The following CCDC149 variants were observed in gnomAD, a reference collection of about 807,000 sequenced individuals.
The protein encoded by CCDC149 is coiled-coil domain containing 149.
In CCDC149, 45 loss-of-function variants were observed where a neutral mutation model predicts 59.9. The observed-to-expected ratio is 0.75, with a 90% CI of 0.59 to 0.96. The LOEUF (loss-of-function observed/expected upper bound fraction) is 0.96, where lower values mean the gene tolerates loss of function less well. CCDC149 is among the 40% of genes least tolerant of loss of function. The pLI is 0.00. For missense variants in CCDC149, 584 were observed against 664.7 expected (o/e 0.88, Z 1.33); for synonymous variants, 245 against 260.6 (o/e 0.94, Z 0.58).
intron 1 of CCDC149, among the ~76,000 whole-genome samples, chr4:24,974,931 G>A (rs895602043): frequency 3.3e-5 from 5 of 152,128 alleles, no homozygotes; most frequent in African/African-American, 1.2e-4. Context: ...TAGTTTGAAT[G>A]TGTCCCCTCC....
intron 2 of CCDC149, among the ~76,000 whole-genome samples, chr4:24,874,986 A>G (rs17593578): frequency 0.036 from 5,492 of 152,316 alleles, 142 homozygotes; most frequent in Non-Finnish European, 0.06. Flanking sequence ...ATATGTCCAC[A>G]CCGTGTATTA....
intron 1 of CCDC149, among the ~76,000 whole-genome samples, chr4:24,899,902 ATC>A (rs982156523): frequency 3.3e-5 from 5 of 152,146 alleles, no homozygotes; most frequent in Middle Eastern, 3.2e-3. Context: ...AGACCAGATG[ATC>A]TGAGATTTCC....
chr4:24,861,591 A>G (rs1452660701), intron 3 of CCDC149, among the ~76,000 whole-genome samples: 3 of 151,628 alleles, frequency 2.0e-5, no homozygotes, highest in Non-Finnish European at 4.4e-5. Context: ...TGAAGAACTT[A>G]CTCATGTAAC....
intron 1 of CCDC149, among the ~76,000 whole-genome samples, chr4:24,909,891 AG>A (rs1398500579): frequency 6.6e-6 from 1 of 152,142 alleles, no homozygotes; most frequent in East Asian, 1.9e-4. Context: ...AGGCCTCCCC[AG>A]TCATGTGGAA....
intron 1 of CCDC149, among the ~76,000 whole-genome samples, chr4:24,938,018 A>G (rs542094556): frequency 6.6e-6 from 1 of 152,290 alleles, no homozygotes; most frequent in Non-Finnish European, 1.5e-5. Context: ...TTCCTCTCTA[A>G]AAATACATAA....
chr4:24,809,592 C>A (rs1714463177), intron 12 of CCDC149, among the ~76,000 whole-genome samples: 1 of 149,712 alleles, frequency 6.7e-6, no homozygotes, highest in Admixed American at 6.6e-5. Flanking sequence ...CATGGCGGAG[C>A]CAGCTCTTAG....
At chr4:24,844,671 G>C (rs978540712) in intron 4 of CCDC149, among the ~76,000 whole-genome samples, 24 of 152,168 alleles carry the variant, frequency 1.6e-4, no homozygotes, top group African/African-American at 5.8e-4. Context: ...TACGCAGGAG[G>C]CTGAGGCAGT....
chr4:24,931,825 G>GTATATATATATATA (rs1553862475), intron 1 of CCDC149, among the ~76,000 whole-genome samples: 4 of 70,456 alleles, frequency 5.7e-5, no homozygotes, highest in African/African-American at 4.1e-4. Flanking sequence ...TGTATGGAGA[G>GTATATATATATATA]TATGTATATA....
At chr4:24,907,719 C>T (rs1332165276) in intron 1 of CCDC149, among the ~76,000 whole-genome samples, 1 of 152,210 alleles carries the variant, frequency 6.6e-6, no homozygotes, top group Non-Finnish European at 1.5e-5. Flanking sequence ...CTTCCAAGGG[C>T]TGCCATAACA....
intron 2 of CCDC149, among the ~76,000 whole-genome samples, chr4:24,873,972 G>C (rs1356382503): frequency 1.3e-5 from 2 of 151,410 alleles, no homozygotes; most frequent in Non-Finnish European, 3.0e-5. Flanking sequence ...AAAATTGTTT[G>C]AACACAAAAA....
At chr4:24,862,002 G>A (rs1718417966) in intron 3 of CCDC149, among the ~76,000 whole-genome samples, 3 of 152,008 alleles carry the variant, frequency 2.0e-5, no homozygotes, top group Admixed American at 2.0e-4. Flanking sequence ...CCTTTGAGAT[G>A]GTGTCACCCA....
intron 1 of CCDC149, among the ~76,000 whole-genome samples, chr4:24,902,460 C>T (rs1181842151): frequency 6.6e-6 from 1 of 152,172 alleles, no homozygotes; most frequent in African/African-American, 2.4e-5. Context: ...CCTGGTTATC[C>T]AATCTCATTG....
intron 2 of CCDC149, among the ~76,000 whole-genome samples, chr4:24,876,153 A>G (rs971496079): frequency 2.6e-5 from 4 of 152,120 alleles, no homozygotes; most frequent in African/African-American, 9.7e-5. Context: ...CAGTATATGT[A>G]GGGTTTCCTA....
chr4:24,899,320 A>G (rs752987962), intron 1 of CCDC149, among the ~76,000 whole-genome samples: 5 of 152,204 alleles, frequency 3.3e-5, no homozygotes, highest in Admixed American at 2.0e-4. Flanking sequence ...GCGGGATGGA[A>G]GCAGGAAAGA....
rs545414700 is a variant in CCDC149 at position 24,946,196 on chromosome 4, G to A, written c.-65+33873C>T. 1.2e-4 allele frequency among the ~76,000 whole-genome samples: 19 copies of A among 152,298 alleles called. No individual in the cohort carries two copies. In the South Asian group the frequency reaches 3.9e-3, roughly 32 times the overall value. ...TACAGCATTTCTTCTTCCCAGTGCTGTGACCAGGCATCACTGTGGACAGGT... is the reference window on the plus strand; with the variant it reads ...TACAGCATTTCTTCTTCCCAGTGCTATGACCAGGCATCACTGTGGACAGGT... On this transcript the variant is annotated intron_variant, in intron 1 of 12. Coordinates refer to the CCDC149 transcript ENST00000389609.
At position 24,945,484 on chromosome 4, in the gene CCDC149, G is replaced by T. The variant is rs528520875; in HGVS notation, c.-65+34585C>A. Among the ~76,000 whole-genome samples, 6 of 152,264 alleles carry T rather than the reference G, an allele frequency of 3.9e-5. No individual in the cohort carries two copies. The South Asian group carries it at 1.2e-3, about 32-fold the overall frequency. On this transcript the variant is annotated intron_variant, in intron 1 of 12. Coordinates refer to the CCDC149 transcript ENST00000389609. ...CTAGGAACTAGGAAGAGGCAAGAAA[G>T]GAGTCCCCGTCAGAGCCTTCAAAGG...
chr4:24,840,668 G>A (rs551015548), intron 4 of CCDC149, among the ~76,000 whole-genome samples: 1 of 152,286 alleles, frequency 6.6e-6, no homozygotes, highest in Admixed American at 6.5e-5. Flanking sequence ...CCCACGCATA[G>A]TGCCAAAGTG....
chr4:24,906,634 G>A (rs1448920626), intron 1 of CCDC149, among the ~76,000 whole-genome samples: 1 of 151,932 alleles, frequency 6.6e-6, no homozygotes, highest in African/African-American at 2.4e-5. Flanking sequence ...CTGATCTCGG[G>A]TGATACGCCT....
rs139422564 is a variant in CCDC149 at position 24,969,677 on chromosome 4, C to T, written c.-65+10392G>A. 6.0e-3 allele frequency among the ~76,000 whole-genome samples: 908 copies of T among 152,308 alleles called. 2 individuals are homozygous for T. The highest frequency in any genetic ancestry group is 0.017 in the Middle Eastern group (5 of 294). Reference sequence around the variant, plus strand: ...GAGGCTTTGTTACACCAGGGCACTGCCCCCACTCAGTTGCAGATACATTCC... The same window carrying T: ...GAGGCTTTGTTACACCAGGGCACTGTCCCCACTCAGTTGCAGATACATTCC... On this transcript the variant is annotated intron_variant, in intron 1 of 12. Coordinates refer to the CCDC149 transcript ENST00000389609.
Sources: gnomAD v4.1 joint callset for allele counts (sites outside exome capture counted in the v4.1 genomes callset) on GRCh38, gnomAD v4.1.1 for gene constraint, MANE v1.5 for transcripts, NCBI Gene and HGNC (gene_info 2026-07-23, HGNC 2026-07-21) for gene names.